Variants in ZFHX4 observed in about 807,000 individuals in gnomAD.
ZFHX4 encodes zinc finger homeobox protein 4.
Under a neutral mutation model 267.6 loss-of-function variants are expected in ZFHX4, and 56 were observed. That is an observed-to-expected ratio of 0.21 (90% CI 0.17 to 0.26). ZFHX4 has a LOEUF of 0.26. Among genes scored for constraint, ZFHX4 ranks in the 10% least tolerant of loss-of-function variants. The pLI, the probability that ZFHX4 is intolerant of heterozygous loss-of-function variation, is 1.00. For missense variants in ZFHX4, 4,332 were observed against 4,420.0 expected (o/e 0.98, Z 0.56); for synonymous variants, 1,778 against 1,665.6 (o/e 1.07, Z -1.64).
At chr8:76,756,909 T>G (rs2131720955) in intron 3 of ZFHX4, among the ~76,000 whole-genome samples, 1 of 152,340 alleles carries the variant, frequency 6.6e-6, no homozygotes, top group South Asian at 2.1e-4. Context: ...TTATTGTGTC[T>G]ATTATATATC....
At chr8:76,848,938 T>C (rs1812434496) in intron 6 of ZFHX4, 57 bp from the exon 7 acceptor site, 1 of 1,422,548 alleles carries the variant, frequency 7.0e-7, no homozygotes, top group Non-Finnish European at 9.2e-7. Flanking sequence ...AACATAATTT[T>C]TCTCATTTCG....
chr8:76,691,495 A>G (rs1807822600), intron 1 of ZFHX4, among the ~76,000 whole-genome samples: 1 of 152,106 alleles, frequency 6.6e-6, no homozygotes, highest in African/African-American at 2.4e-5. Flanking sequence ...CCTAGTTAAG[A>G]CCAGACATTT....
Position 76,707,529 on chromosome 8 carries a change from ATT to A in ZFHX4, c.2591-9_2591-8del. ...TTTCTAGTCTCTATTTTTCCTTTTAATTTTTTTTTCCTGTAGTAAATAATGAG... is the reference window on the plus strand; with the variant it reads ...TTTCTAGTCTCTATTTTTCCTTTTAATTTTTTTCCTGTAGTAAATAATGAG... On this transcript the variant is annotated splice_polypyrimidine_tract_variant and intron_variant, in intron 2 of 10. Transcript: ENST00000651372. The A allele has an allele frequency of 6.7e-7, 1 of 1,488,044 alleles. No homozygotes were observed. The highest frequency in any genetic ancestry group is 8.9e-7 in the Non-Finnish European group (1 of 1,118,650). 92.2% of individuals were successfully genotyped at this position (1,488,044 alleles called of 1,614,324 possible).
At position 76,707,973 on chromosome 8, in the gene ZFHX4, T is replaced by C. The variant is rs929984478; in HGVS notation, c.3018T>C (p.Tyr1006=). 3 of 1,613,910 alleles carry C rather than the reference T, an allele frequency of 1.9e-6. No individual in the cohort carries two copies. The highest frequency in any genetic ancestry group is 2.7e-5 in the African/African-American group (2 of 74,918). Residue 1006 remains tyrosine, a synonymous_variant, in exon 3 of 11, where the codon TAT becomes TAC. Coordinates refer to ENST00000651372, the MANE Select transcript of ZFHX4 (RefSeq NM_024721.5). ...PVHLKCNACD[Y]YTNSVDKLRL... ...ACCTAAAATGTAACGCCTGTGACTATTACACCAACAGTGTGGATAAATTAC... is the reference window on the plus strand; with the variant it reads ...ACCTAAAATGTAACGCCTGTGACTACTACACCAACAGTGTGGATAAATTAC...
intron 4 of ZFHX4, among the ~76,000 whole-genome samples, chr8:76,823,016 A>G (rs191378159): frequency 6.6e-6 from 1 of 152,180 alleles, no homozygotes; most frequent in African/African-American, 2.4e-5. Context: ...CTCTTGACCT[A>G]ATCTTGGACT....
At position 76,866,190 on chromosome 8, in the gene ZFHX4, T is replaced by C. The variant is rs1813021601; in HGVS notation, c.*1625T>C. On this transcript the variant is annotated 3_prime_UTR_variant, in exon 11 of 11. Transcript: ENST00000651372. ...AAGAAAGCTAAGCTGTTGTACATAT[T>C]TGTAGTTGGCTGTGCATGGTACAAA... 1 of 152,660 alleles carries C rather than the reference T, an allele frequency of 6.6e-6. No homozygotes were observed. The highest frequency in any genetic ancestry group is 1.5e-5 in the Non-Finnish European group (1 of 68,048). The allele number at this position is 152,660 out of a possible 1,614,324, so 9.5% of individuals were successfully genotyped here. A position where few individuals can be genotyped will look rare whatever the true frequency, so the allele number is the denominator to read the frequency against.
At chr8:76,717,434 A>T (rs1180397313) in intron 3 of ZFHX4, among the ~76,000 whole-genome samples, 2 of 152,206 alleles carry the variant, frequency 1.3e-5, no homozygotes, top group Admixed American at 6.5e-5. Context: ...TCCGGCAGAA[A>T]ATTGTCAGTC....
At position 76,704,624 on chromosome 8, in the gene ZFHX4, A is replaced by C; in HGVS notation, c.536A>C (p.Gln179Pro). The C allele has an allele frequency of 6.2e-7, 1 of 1,614,046 alleles. No homozygotes were observed. The highest frequency in any genetic ancestry group is 1.1e-5 in the South Asian group (1 of 91,082). The change falls in exon 2 of 11, where the codon CAG (glutamine) becomes CCG (proline). Residue 179 changes from glutamine (Q) to proline (P), a missense_variant. Gln to Pro is a moderately conservative substitution (Grantham distance 76, BLOSUM62 -1). Around this residue, in one of 7 missense-constraint regions of ZFHX4, gnomAD observed 1,195 missense variants for 1,173.6 expected, o/e 1.02. Transcript: ENST00000651372. The part of the protein sequence containing the change: ...SLASAGEKSD[Q>P]SASAPMSFYP... ...GCATCTGCTGGAGAGAAGAGTGATC[A>C]GTCTGCTTCTGCACCTATGTCGTTC...
chr8:76,792,905 G>A (rs1810875951), intron 4 of ZFHX4, among the ~76,000 whole-genome samples: 1 of 152,096 alleles, frequency 6.6e-6, no homozygotes, highest in Non-Finnish European at 1.5e-5. Context: ...CAGATTAGGG[G>A]CAGTTCCTTT....
intron 4 of ZFHX4, among the ~76,000 whole-genome samples, chr8:76,805,372 G>T (rs932712106): frequency 6.6e-6 from 1 of 152,052 alleles, no homozygotes; most frequent in Non-Finnish European, 1.5e-5. Context: ...GCATCTAAAA[G>T]AAATCAGATC....
rs1003080952 is a variant in ZFHX4, at chr8:76,829,298, G to A, written c.3326-4040G>A. Among the ~76,000 whole-genome samples, 4 of 149,934 alleles carry A rather than the reference G, an allele frequency of 2.7e-5. No individual in the cohort carries two copies. The East Asian group carries it at 5.9e-4, about 22-fold the overall frequency. Reference sequence around the variant, plus strand: ...GCCGGGGCGGGGGGCGGGTAGGAGCGGAAGATTTGCCAGATGGGAACTTGA... The same window carrying A: ...GCCGGGGCGGGGGGCGGGTAGGAGCAGAAGATTTGCCAGATGGGAACTTGA... On this transcript the variant is annotated intron_variant, in intron 4 of 10. Transcript: ENST00000651372.
Position 76,704,124 on chromosome 8 carries a change from G to A in ZFHX4, c.36G>A (p.Gln12=). The change falls in exon 2 of 11, where the codon CAG becomes CAA. Residue 12 remains glutamine (Q), a synonymous_variant. Coordinates refer to ENST00000651372, the MANE Select transcript of ZFHX4 (RefSeq NM_024721.5). ...ETCDSPPISR[Q]ENGQSTSKLC... is the part of the protein sequence containing the mutation. ...GTGACTCCCCTCCTATCTCAAGGCA[G>A]GAAAATGGGCAGAGCACATCAAAGC... The A allele has an allele frequency of 6.2e-7, 1 of 1,613,204 alleles. No individual in the cohort carries two copies. Among genetic ancestry groups the A allele is most frequent in the Non-Finnish European group, 8.5e-7 (1 of 1,179,482 alleles).
chr8:76,721,772 T>C lies in ZFHX4; in HGVS notation c.3093+13724T>C, dbSNP rs184367274. ...CATACCAATAAAGATGTTGTCACAT[T>C]GTTGAAAAATAATGTACAGTAACAG... On this transcript the variant is annotated intron_variant, in intron 3 of 10. Coordinates refer to ENST00000651372, the MANE Select transcript of ZFHX4 (RefSeq NM_024721.5). Among the ~76,000 whole-genome samples the C allele has an allele frequency of 2.0e-5, 3 of 152,270 alleles. No homozygotes were observed. In the East Asian group the frequency reaches 5.8e-4, roughly 29 times the overall value.
rs79869762 is a variant in ZFHX4, at chr8:76,866,763, CAT to C, written c.*2200_*2201del. The C allele has an allele frequency of 0.029, 4,282 of 148,232 alleles. 355 individuals are homozygous for C. The East Asian group carries it at 0.35, about 12-fold the overall frequency. The allele number at this position is 148,232 out of a possible 1,614,324, so 9.2% of individuals were successfully genotyped here. A position where few individuals can be genotyped will look rare whatever the true frequency, so the allele number is the denominator to read the frequency against. On this transcript the variant is annotated 3_prime_UTR_variant, in exon 11 of 11. Coordinates refer to ENST00000651372, the MANE Select transcript of ZFHX4 (RefSeq NM_024721.5). Reference sequence around the variant, plus strand: ...AATGATTATTCCGACAGTGTGTCGACATAAACTTTTACAACTGCACAGCAGCC... The same window carrying C: ...AATGATTATTCCGACAGTGTGTCGACAAACTTTTACAACTGCACAGCAGCC...
chr8:76,861,672 A>G (rs1812870779), intron 10 of ZFHX4, among the ~76,000 whole-genome samples: 1 of 152,120 alleles, frequency 6.6e-6, no homozygotes, highest in African/African-American at 2.4e-5. Flanking sequence ...GGTAAAGATC[A>G]ATTAAGAAAC....
chr8:76,696,149 C>T (rs899072534), intron 1 of ZFHX4, among the ~76,000 whole-genome samples: 1 of 152,116 alleles, frequency 6.6e-6, no homozygotes, highest in Non-Finnish European at 1.5e-5. Flanking sequence ...GATAATTGGG[C>T]CCAGATAATT....
intron 4 of ZFHX4, among the ~76,000 whole-genome samples, chr8:76,783,206 C>A (rs1585940354): frequency 6.6e-6 from 1 of 152,042 alleles, no homozygotes; most frequent in African/African-American, 2.4e-5. Flanking sequence ...CCTGGATCAT[C>A]TTCCACAGAG....
intron 1 of ZFHX4, among the ~76,000 whole-genome samples, chr8:76,692,045 C>T (rs1807839144): frequency 6.6e-6 from 1 of 152,082 alleles, no homozygotes; most frequent in South Asian, 2.1e-4. Flanking sequence ...TCTAGGTTGA[C>T]AGGTGGATGC....
rs376274964 is a variant in ZFHX4, at chr8:76,855,834, C to A, written c.8913C>A (p.Arg2971=). The stretch of plus-strand genomic sequence containing the variant: ...GGAATGAGATTGGTCTGCCCAAACG[C>A]GTAGTCCAGGTGTGGTTCCAAAATG... ...MLGNEIGLPK[R]VVQVWFQNAR... Residue 2971 remains arginine, a synonymous_variant, in exon 10 of 11, where the codon CGC becomes CGA. Transcript: ENST00000651372. 1 of 1,613,844 alleles carries A rather than the reference C, an allele frequency of 6.2e-7. No homozygotes were observed. The highest frequency in any genetic ancestry group is 1.1e-5 in the South Asian group (1 of 91,072).
Sources: allele counts gnomAD v4.1 joint callset (sites outside exome capture counted in the v4.1 genomes callset), GRCh38; gene constraint gnomAD v4.1.1; regional missense constraint gnomAD v4.1.1; transcripts MANE v1.5; gene names NCBI Gene and HGNC (gene_info 2026-07-23, HGNC 2026-07-21).